PRKCE: variants seen among roughly 807,000 people sequenced by gnomAD.
PRKCE encodes the protein protein kinase C epsilon, also known as protein kinase C epsilon type.
PRKCE carries 16 observed loss-of-function variants against 85.4 expected under a neutral mutation model. That is an observed-to-expected ratio of 0.19 (90% CI 0.13 to 0.28). PRKCE has a LOEUF of 0.28. Among genes scored for constraint, PRKCE ranks in the 10% least tolerant of loss-of-function variants. The pLI, the probability that PRKCE is intolerant of heterozygous loss-of-function variation, is 1.00. For missense variants in PRKCE, 573 were observed against 975.2 expected, an observed-to-expected ratio of 0.59 and a Z score of 5.49; for synonymous variants, 388 against 371.5, an observed-to-expected ratio of 1.04 and a Z score of -0.51.
Position 46,027,363 on chromosome 2 carries a change from C to G in PRKCE, c.1437+16846C>G, listed in dbSNP as rs189588684. Among the ~76,000 whole-genome samples, 292 of 151,992 alleles carry G rather than the reference C, an allele frequency of 1.9e-3. 2 individuals carry two copies. The highest frequency in any genetic ancestry group is 6.6e-3 in the African/African-American group (274 of 41,472). On this transcript the variant is annotated intron_variant, in intron 10 of 14. Coordinates refer to ENST00000306156, the MANE Select transcript of PRKCE (RefSeq NM_005400.3). ...AAAAGAAAGAAAAAGAAAAGAAAAA[C>G]AAGATCATGATTACCAGGGAAGTCC...
chr2:46,004,650 A>G lies in PRKCE; in HGVS notation c.1063+12A>G. 6.4e-7 allele frequency: 1 copy of G among 1,562,714 alleles called. No homozygotes were observed. The highest frequency in any genetic ancestry group is 1.8e-5 in the Admixed American group (1 of 55,342). ...CCCTTGTGACCAGGGTGAGACCCTC[A>G]GATTTGCTTCCTGACCTCTGAGTTC... On this transcript the variant is annotated intron_variant, in intron 8 of 14. Transcript: ENST00000306156. The surrounding 1 kb of genome is among the most constrained non-coding windows in gnomAD (Gnocchi z 4.1).
chr2:45,840,696 T>C (rs1034017095), intron 1 of PRKCE: 5 of 152,066 alleles, frequency 3.3e-5, no homozygotes, highest in African/African-American at 7.3e-5. Context: ...AAATGAAATT[T>C]TGAGGGAAAC....
At chr2:46,007,703 T>C in intron 9 of PRKCE, 42 bp downstream of exon 9, 2 of 1,565,936 alleles carry the variant, frequency 1.3e-6, no homozygotes, top group South Asian at 2.2e-5. Context: ...TTTGTTCTAC[T>C]CCTTAGCATT....
intron 1 of PRKCE, among the ~76,000 whole-genome samples, chr2:45,827,378 T>G (rs1390765007): frequency 1.3e-5 from 2 of 152,218 alleles, no homozygotes; most frequent in Non-Finnish European, 2.9e-5. Flanking sequence ...CTTGAACAGT[T>G]TTCAGATCCT....
intron 2 of PRKCE, among the ~76,000 whole-genome samples, chr2:45,946,474 T>C (rs1700252141): frequency 6.6e-6 from 1 of 152,190 alleles, no homozygotes; most frequent in Non-Finnish European, 1.5e-5. Context: ...TGGGAGAGAA[T>C]GCAAAGGCCT....
chr2:46,134,637 ATCT>A (rs1674777754), intron 11 of PRKCE, among the ~76,000 whole-genome samples: 1 of 152,240 alleles, frequency 6.6e-6, no homozygotes, highest in South Asian at 2.1e-4. Flanking sequence ...CGCTTCCTGG[ATCT>A]TAGACTGGAA....
intron 1 of PRKCE, among the ~76,000 whole-genome samples, chr2:45,751,856 C>T (rs1454950104): frequency 9.2e-6 from 1 of 108,710 alleles, no homozygotes; most frequent in African/African-American, 3.5e-5. Flanking sequence ...CTCGCTCTGT[C>T]GCCCAGGCTG....
chr2:45,700,068 A>G (rs1377707719), intron 1 of PRKCE, among the ~76,000 whole-genome samples: 1 of 152,082 alleles, frequency 6.6e-6, no homozygotes, highest in East Asian at 1.9e-4. Flanking sequence ...ACGAGCCACA[A>G]GATGAACGGG....
At chr2:45,961,862 A>C (rs1297405652) in intron 2 of PRKCE, among the ~76,000 whole-genome samples, 1 of 151,960 alleles carries the variant, frequency 6.6e-6, no homozygotes, top group Non-Finnish European at 1.5e-5. Context: ...AGCCCAGCTA[A>C]TTTTGTATTT....
At chr2:45,655,955 G>T (rs114190619) in intron 1 of PRKCE, among the ~76,000 whole-genome samples, 4,261 of 151,830 alleles carry the variant, frequency 0.028, 92 homozygotes, top group Non-Finnish European at 0.044. Context: ...ATTTAAAGAG[G>T]TATCTACAAG....
chr2:46,071,777 G>A (rs1014545189), intron 10 of PRKCE, among the ~76,000 whole-genome samples: 2 of 152,180 alleles, frequency 1.3e-5, no homozygotes, highest in African/African-American at 2.4e-5. Flanking sequence ...TCAGCCATCA[G>A]TCTAAATCAA....
At chr2:46,090,225 C>T (rs78544428) in intron 11 of PRKCE, among the ~76,000 whole-genome samples, 4,108 of 152,190 alleles carry the variant, frequency 0.027, 91 homozygotes, top group Non-Finnish European at 0.038. Context: ...ATATGGAGTT[C>T]AGGAATTTGT....
chr2:46,139,703 TATATATAC>T lies in PRKCE; in HGVS notation c.1593-5376_1593-5369del, dbSNP rs1230742269. On this transcript the variant is annotated intron_variant, in intron 11 of 14. Transcript: ENST00000306156. This position sits in a 1 kb window ranked among gnomAD's most constrained non-coding sequence, Gnocchi z 5.2. ...ATATGCGTATATATATGTGTGTGTA[TATATATAC>T]ATATATACATATACATATATATCTA... Among the ~76,000 whole-genome samples, 3 of 151,412 alleles carry T rather than the reference TATATATAC, an allele frequency of 2.0e-5. No homozygotes were observed. The highest frequency in any genetic ancestry group is 1.9e-4 in the East Asian group (1 of 5,172).
intron 2 of PRKCE, among the ~76,000 whole-genome samples, chr2:45,935,524 C>A (rs890323671): frequency 6.6e-6 from 1 of 152,152 alleles, no homozygotes; most frequent in Non-Finnish European, 1.5e-5. Context: ...CGGTGGCTCA[C>A]GCCTATAATC....
chr2:46,016,189 AC>A (rs1302443797), intron 10 of PRKCE, among the ~76,000 whole-genome samples: 1 of 152,176 alleles, frequency 6.6e-6, no homozygotes. Context: ...GCCAATTAAC[AC>A]ATCTTTAGTG....
chr2:46,098,945 G>T (rs1327106157), intron 11 of PRKCE, among the ~76,000 whole-genome samples: 1 of 151,970 alleles, frequency 6.6e-6, no homozygotes, highest in African/African-American at 2.4e-5. Flanking sequence ...GGAGGAGAGT[G>T]GTAGGGGGTA....
intron 10 of PRKCE, among the ~76,000 whole-genome samples, chr2:46,083,050 T>A (rs533750556): frequency 1.3e-5 from 2 of 152,284 alleles, no homozygotes; most frequent in East Asian, 3.9e-4. Flanking sequence ...CGAGCTCAAA[T>A]GATTCTCTTT....
chr2:46,049,153 T>A (rs538179911), intron 10 of PRKCE, among the ~76,000 whole-genome samples: 2 of 152,282 alleles, frequency 1.3e-5, no homozygotes, highest in East Asian at 3.9e-4. Flanking sequence ...TGACTGAGCT[T>A]GGGGCAAGAT....
chr2:46,140,651 C>T (rs1675422553), intron 11 of PRKCE, among the ~76,000 whole-genome samples: 2 of 152,078 alleles, frequency 1.3e-5, no homozygotes, highest in African/African-American at 4.8e-5. Context: ...AAAATCCAAA[C>T]CCATGATATA....
Sources: allele counts gnomAD v4.1 joint callset (sites outside exome capture counted in the v4.1 genomes callset), GRCh38; gene constraint gnomAD v4.1.1; non-coding constraint Gnocchi (gnomAD v3.1); transcripts MANE v1.5; gene names NCBI Gene and HGNC (gene_info 2026-07-23, HGNC 2026-07-21).